The following DENND5A variants were observed in gnomAD, a reference collection of about 807,000 sequenced individuals.
The protein encoded by DENND5A is DENN domain containing 5A.
Under a neutral mutation model 140.3 loss-of-function variants are expected in DENND5A, and 64 were observed. The ratio of observed to expected loss-of-function variants is 0.46; its 90% CI spans 0.37 to 0.56. The LOEUF is 0.56. Ranked by LOEUF, DENND5A falls within the 20% of genes least tolerant of loss-of-function variation. DENND5A has a pLI of 0.00. For missense variants in DENND5A, 1,292 were observed against 1,593.8 expected, an observed-to-expected ratio of 0.81 and a Z score of 3.22; for synonymous variants, 605 against 607.7, an observed-to-expected ratio of 1.00 and a Z score of 0.07.
At chr11:9,260,911 C>T (rs1201524218) in intron 1 of DENND5A, among the ~76,000 whole-genome samples, 2 of 152,134 alleles carry the variant, frequency 1.3e-5, no homozygotes, top group Non-Finnish European at 2.9e-5. Flanking sequence ...TGCAGTGTCA[C>T]AATCTCAGTT....
chr11:9,170,968 T>C (rs1590229808), intron 8 of DENND5A, 191 bp from the exon 9 acceptor site: 11 of 979,976 alleles, frequency 1.1e-5, no homozygotes, highest in African/African-American at 4.9e-5. Context: ...AACTTCAGAA[T>C]ACTGGACATC....
At chr11:9,178,773 T>C in intron 7 of DENND5A, 85 bp downstream of exon 7, 2 of 1,154,172 alleles carry the variant, frequency 1.7e-6, no homozygotes, top group East Asian at 2.4e-5. Context: ...TTCCATTACT[T>C]CTTCGAGTAA....
intron 1 of DENND5A, among the ~76,000 whole-genome samples, chr11:9,213,589 A>T (rs1034951386): frequency 6.6e-6 from 1 of 151,208 alleles, no homozygotes; most frequent in African/African-American, 2.4e-5. Flanking sequence ...GGGTGCATCA[A>T]CTGAGGTCAG....
chr11:9,203,921 C>T lies in DENND5A; in HGVS notation c.688G>A (p.Val230Ile). ...RSVLEQLHQA[V>I]TSPQPPPLPL... ...AGTGGAGGGGGCTGAGGTGAAGTGACTGCCTGGTGGAGTTGCTCCAGCACG... is the reference window on the plus strand; with the variant it reads ...AGTGGAGGGGGCTGAGGTGAAGTGATTGCCTGGTGGAGTTGCTCCAGCACG... Residue 230 changes from valine (V) to isoleucine (I), a missense_variant, in exon 4 of 23, where the codon GTC (valine) becomes ATC (isoleucine). Physicochemically the swap from Val to Ile is conservative, Grantham distance 29. Transcript: ENST00000328194. The T allele has an allele frequency of 6.2e-7, 1 of 1,614,110 alleles. No individual in the cohort carries two copies. The highest frequency in any genetic ancestry group is 8.5e-7 in the Non-Finnish European group (1 of 1,180,016).
intron 1 of DENND5A, 36 bp downstream of exon 1, chr11:9,264,925 G>T (rs1852376736): frequency 3.4e-6 from 5 of 1,489,732 alleles, no homozygotes; most frequent in African/African-American, 1.4e-5. Context: ...ACGACAGCGG[G>T]CGCGGGAAAG....
At chr11:9,191,785 C>T (rs1437790660) in intron 5 of DENND5A, among the ~76,000 whole-genome samples, 1 of 152,222 alleles carries the variant, frequency 6.6e-6, no homozygotes, top group Admixed American at 6.5e-5. Flanking sequence ...CATAGCTTGC[C>T]TCTTTGGCCT....
intron 1 of DENND5A, 46 bp downstream of exon 1, chr11:9,264,915 A>G (rs1200969552): frequency 1.6e-5 from 23 of 1,467,826 alleles, no homozygotes; most frequent in Non-Finnish European, 2.0e-5. Flanking sequence ...GGGGTCCCCG[A>G]CGACAGCGGG....
chr11:9,147,121 G>A lies in DENND5A; in HGVS notation c.2766C>T (p.Arg922=). The A allele has an allele frequency of 3.1e-6, 5 of 1,614,154 alleles. No individual in the cohort carries two copies. The highest frequency in any genetic ancestry group is 2.5e-6 in the Non-Finnish European group (3 of 1,179,972). The change falls in exon 16 of 23, where the codon CGC becomes CGT. Residue 922 remains arginine (R), a synonymous_variant. Transcript: ENST00000328194. The part of the protein sequence containing the change: ...KKLYKRYAFL[R]CDDEKEQFLY... ...GGAACTGCTCCTTCTCGTCATCACA[G>A]CGCAGGAAGGCATAGCGCTTATATA...
intron 8 of DENND5A, among the ~76,000 whole-genome samples, chr11:9,173,246 T>C (rs1848433299): frequency 6.6e-6 from 1 of 152,188 alleles, no homozygotes; most frequent in East Asian, 1.9e-4. Flanking sequence ...AGATCTACAC[T>C]ACAAGAAATG....
chr11:9,203,289 C>G (rs1454600956), intron 4 of DENND5A, among the ~76,000 whole-genome samples: 1 of 152,140 alleles, frequency 6.6e-6, no homozygotes, highest in Non-Finnish European at 1.5e-5. Context: ...CTTTGTGAAT[C>G]CTCAATTTTA....
intron 17 of DENND5A, 139 bp downstream of exon 17, chr11:9,145,531 G>C: frequency 1.0e-6 from 1 of 958,082 alleles, no homozygotes; most frequent in Non-Finnish European, 1.6e-6. Flanking sequence ...TCCAGCCTCA[G>C]ATCATCTCAG....
intron 13 of DENND5A, among the ~76,000 whole-genome samples, chr11:9,151,616 A>T (rs1205660351): frequency 2.0e-5 from 3 of 152,198 alleles, no homozygotes; most frequent in Admixed American, 6.5e-5. Context: ...AGAAAGGTAA[A>T]CAAATGTCTG....
At chr11:9,260,112 T>G (rs1852131734) in intron 1 of DENND5A, among the ~76,000 whole-genome samples, 1 of 151,716 alleles carries the variant, frequency 6.6e-6, no homozygotes. Flanking sequence ...CACTGGCCAG[T>G]TTCCCATCTA....
chr11:9,244,616 G>C (rs191768439), intron 1 of DENND5A, among the ~76,000 whole-genome samples: 1 of 152,090 alleles, frequency 6.6e-6, no homozygotes, highest in Non-Finnish European at 1.5e-5. Context: ...TGATCCGCCC[G>C]CTTCGGCCTC....
rs1847406609 is a variant in DENND5A, at chr11:9,145,689, A to T, written c.2984T>A (p.Val995Glu). ...ACATACCTCGAAGGTCATCTCTAGC[A>T]CATTCCTGGGAATCTGCATGATCTG... ...ETQIMQIPRN[V>E]LEMTFECQNL... is the part of the protein sequence containing the mutation. The change falls in exon 17 of 23, where the codon GTG (valine) becomes GAG (glutamate). Residue 995 changes from valine to glutamate, a missense_variant. By Grantham distance (121) the Val-to-Glu change is moderately radical. This residue lies in a region of DENND5A where 498 missense variants were observed against 689.7 expected (regional missense o/e 0.72). Coordinates refer to ENST00000328194, the MANE Select transcript of DENND5A (RefSeq NM_015213.4). The T allele has an allele frequency of 6.2e-7, 1 of 1,614,118 alleles. No individual in the cohort carries two copies. The highest frequency in any genetic ancestry group is 8.5e-7 in the Non-Finnish European group (1 of 1,180,040).
At chr11:9,226,702 G>C in intron 1 of DENND5A, among the ~76,000 whole-genome samples, 1 of 152,198 alleles carries the variant, frequency 6.6e-6, no homozygotes, top group South Asian at 2.1e-4. Context: ...CAAACTGACC[G>C]ATCTAAAGTA....
At chr11:9,210,464 A>T (rs898316372) in intron 1 of DENND5A, among the ~76,000 whole-genome samples, 2 of 152,300 alleles carry the variant, frequency 1.3e-5, no homozygotes, top group East Asian at 1.9e-4. Flanking sequence ...ACTTTTTTTT[A>T]AAGCATACAT....
chr11:9,206,820 A>G, intron 2 of DENND5A, 38 bp from the exon 3 acceptor site: 1 of 1,458,222 alleles, frequency 6.9e-7, no homozygotes. Flanking sequence ...TTTCTACAAA[A>G]TCCCTTTAAG....
chr11:9,152,013 T>C (rs1847632146), intron 13 of DENND5A, among the ~76,000 whole-genome samples: 2 of 152,182 alleles, frequency 1.3e-5, no homozygotes, highest in South Asian at 4.1e-4. Context: ...ATAATCATAA[T>C]GCCCATGTCA....
Sources: gnomAD v4.1 joint callset for allele counts (sites outside exome capture counted in the v4.1 genomes callset) on GRCh38, gnomAD v4.1.1 for gene constraint, gnomAD v4.1.1 regional missense constraint, MANE v1.5 for transcripts, NCBI Gene and HGNC (gene_info 2026-07-23, HGNC 2026-07-21) for gene names.